Variants in PHEX observed in about 807,000 individuals in gnomAD.
PHEX encodes the protein phosphate-regulating neutral endopeptidase PHEX.
PHEX carries 16 observed loss-of-function variants against 68.0 expected under a neutral mutation model. The ratio of observed to expected loss-of-function variants is 0.24; its 90% confidence interval spans 0.16 to 0.36. The LOEUF is 0.36. Among genes scored for constraint, PHEX ranks in the 10% least tolerant of loss-of-function variants. PHEX has a pLI of 1.00. For synonymous variants in PHEX, 208 were observed against 205.1 expected (o/e 1.01, Z -0.12); for missense variants, 480 against 575.5 (o/e 0.83, Z 1.70).
intron 15 of PHEX, among the ~76,000 whole-genome samples, chrX:22,209,735 G>GCTCCCTCTGCTCCCTCTC (rs1417655967): frequency 3.9e-5 from 2 of 51,412 alleles, no homozygotes; most frequent in Non-Finnish European, 7.8e-5. Context: ...TGCTCCCTCT[G>GCTCCCTCTGCTCCCTCTC]CTCCCTCTGC....
intron 16 of PHEX, among the ~76,000 whole-genome samples, chrX:22,216,420 T>C (rs1052220082): frequency 8.9e-6 from 1 of 112,170 alleles, no homozygotes; most frequent in Non-Finnish European, 1.9e-5. Flanking sequence ...AGATCTTCAG[T>C]GCAAGAAATC....
At chrX:22,093,203 G>A (rs992169711) in intron 6 of PHEX, among the ~76,000 whole-genome samples, 2 of 111,848 alleles carry the variant, frequency 1.8e-5, no homozygotes, top group Admixed American at 1.9e-4. Flanking sequence ...TATTCCCAAT[G>A]CATGAGAAGG....
chrX:22,174,762 A>G (rs1933646941), intron 13 of PHEX, among the ~76,000 whole-genome samples: 1 of 111,972 alleles, frequency 8.9e-6, no homozygotes, highest in Admixed American at 9.5e-5. Flanking sequence ...TGGTACACCA[A>G]CCTTTACAGT....
rs774285492 is a variant in PHEX at position 22,249,258 on chromosome X, G to T, written c.*1305G>T. The T allele has an allele frequency of 2.5e-5, 2 of 80,400 alleles. No individual in the cohort carries two copies. The highest frequency in any genetic ancestry group is 5.6e-5 in the African/African-American group (1 of 17,911). The allele number at this position is 80,400 out of a possible 1,213,427, so 6.6% of individuals were successfully genotyped here. A position where few individuals can be genotyped will look rare whatever the true frequency, so the allele number is the denominator to read the frequency against. On this transcript the variant is annotated 3_prime_UTR_variant, in exon 22 of 22. Coordinates refer to ENST00000379374, the MANE Select transcript of PHEX (RefSeq NM_000444.6). ...GTGTGTGTAGGATAAAATTGTAATG[G>T]CCTTAAAGTTGTTACCTGGCATTTT...
intron 3 of PHEX, among the ~76,000 whole-genome samples, chrX:22,070,922 G>T (rs1028314142): frequency 3.1e-4 from 35 of 112,017 alleles, no homozygotes; most frequent in Non-Finnish European, 6.4e-4. Context: ...TTGCATGTGT[G>T]GAGTTTTTGA....
intron 12 of PHEX, among the ~76,000 whole-genome samples, chrX:22,157,214 G>A (rs979695029): frequency 8.9e-6 from 1 of 111,985 alleles, no homozygotes; most frequent in Non-Finnish European, 1.9e-5. Context: ...TAAATGAGCC[G>A]GGTGTGGTGG....
At chrX:22,062,949 C>CG (rs1928439613) in intron 3 of PHEX, among the ~76,000 whole-genome samples, 1 of 110,700 alleles carries the variant, frequency 9.0e-6, no homozygotes, top group African/African-American at 3.3e-5. Flanking sequence ...TTAGTAAAGA[C>CG]GGGGTTTCAC....
At chrX:22,141,727 T>A (rs1932470041) in intron 12 of PHEX, among the ~76,000 whole-genome samples, 1 of 112,051 alleles carries the variant, frequency 8.9e-6, no homozygotes, top group South Asian at 3.7e-4. Context: ...TATGCTCATT[T>A]AAAAAATCTG....
At chrX:22,238,332 G>A (rs372497184) in intron 20 of PHEX, among the ~76,000 whole-genome samples, 1 of 111,794 alleles carries the variant, frequency 8.9e-6, no homozygotes, top group East Asian at 2.8e-4. Flanking sequence ...AGCACAAGGG[G>A]TTGGGGGATT....
At chrX:22,220,896 A>G (rs1265032758) in intron 17 of PHEX, among the ~76,000 whole-genome samples, 2 of 112,525 alleles carry the variant, frequency 1.8e-5, no homozygotes, top group Non-Finnish European at 3.8e-5. Context: ...AAGACAGTCT[A>G]GCAGCATCCA....
chrX:22,044,393 C>T (rs1472453754), intron 2 of PHEX, among the ~76,000 whole-genome samples: 2 of 111,427 alleles, frequency 1.8e-5, no homozygotes, highest in Non-Finnish European at 1.9e-5. Flanking sequence ...AGCACATTTG[C>T]ACATTAAATA....
chrX:22,213,067 T>C (rs1345881866), intron 16 of PHEX, 109 bp downstream of exon 16: 1 of 653,183 alleles, frequency 1.5e-6, no homozygotes, highest in African/African-American at 2.1e-5. Flanking sequence ...AAAGAAGCCA[T>C]GGAATCTGGC....
intron 20 of PHEX, among the ~76,000 whole-genome samples, chrX:22,234,236 G>A (rs1269446306): frequency 8.9e-6 from 1 of 112,453 alleles, no homozygotes; most frequent in Non-Finnish European, 1.9e-5. Flanking sequence ...GGCCCCTACC[G>A]GGAGGTGTCT....
At chrX:22,051,657 T>C (rs1182072496) in intron 3 of PHEX, among the ~76,000 whole-genome samples, 2 of 112,159 alleles carry the variant, frequency 1.8e-5, no homozygotes, top group Admixed American at 9.5e-5. Context: ...TTACCCAGAT[T>C]CCCTGATTAT....
chrX:22,051,847 A>G (rs1927848960), intron 3 of PHEX, among the ~76,000 whole-genome samples: 1 of 112,052 alleles, frequency 8.9e-6, no homozygotes, highest in Non-Finnish European at 1.9e-5. Context: ...ATACAGATAC[A>G]TAGATTTTTT....
intron 12 of PHEX, among the ~76,000 whole-genome samples, chrX:22,144,188 CTCAG>C: frequency 9.0e-6 from 1 of 111,177 alleles, no homozygotes; most frequent in Middle Eastern, 4.7e-3. Flanking sequence ...AGAGTAAGTG[CTCAG>C]TATTAGTAAG....
intron 7 of PHEX, among the ~76,000 whole-genome samples, chrX:22,095,597 C>T (rs749342372): frequency 5.4e-5 from 6 of 111,738 alleles, no homozygotes; most frequent in Non-Finnish European, 7.5e-5. Flanking sequence ...TGGATATCCT[C>T]TGAGGCAATG....
At chrX:22,154,246 A>T (rs1439828059) in intron 12 of PHEX, among the ~76,000 whole-genome samples, 2 of 112,058 alleles carry the variant, frequency 1.8e-5, no homozygotes, top group Admixed American at 9.5e-5. Context: ...TGCACCTACT[A>T]GCTTAGTAGT....
intron 12 of PHEX, among the ~76,000 whole-genome samples, chrX:22,154,287 T>C (rs1054917235): frequency 1.8e-5 from 2 of 111,754 alleles, no homozygotes; most frequent in Non-Finnish European, 1.9e-5. Context: ...CTAAGGATTA[T>C]TGAAGCAGAG....
Sources: allele counts gnomAD v4.1 joint callset (sites outside exome capture counted in the v4.1 genomes callset), GRCh38; gene constraint gnomAD v4.1.1; transcripts MANE v1.5; gene names NCBI Gene and HGNC (gene_info 2026-07-23, HGNC 2026-07-21).